The following CPA6 variants were observed in gnomAD, a reference collection of about 807,000 sequenced individuals.
CPA6 encodes carboxypeptidase B.
A neutral mutation model predicts 63.3 loss-of-function variants in CPA6; 58 were observed. That is an observed-to-expected ratio of 0.92 (90% CI 0.74 to 1.14). The LOEUF is 1.14. Among genes scored for constraint, CPA6 ranks in the 50% most tolerant of loss-of-function variants. The probability of loss-of-function intolerance (pLI) is 0.00; values close to 1 mark genes in which losing one functional copy is unlikely to be tolerated. For missense variants in CPA6, 565 were observed against 526.6 expected, an observed-to-expected ratio of 1.07 and a Z score of -0.71; for synonymous variants, 185 against 179.0, an observed-to-expected ratio of 1.03 and a Z score of -0.27.
chr8:67,458,198 C>CTTTTA (rs56706322), intron 8 of CPA6, among the ~76,000 whole-genome samples: 18,760 of 151,980 alleles, frequency 0.12, 3,050 homozygotes, highest in African/African-American at 0.38. Context: ...ATGGCGATCA[C>CTTTTA]TTTATTTATT....
At chr8:67,484,901 T>C in intron 6 of CPA6, 112 bp from the exon 7 acceptor site, 2 of 547,384 alleles carry the variant, frequency 3.7e-6, no homozygotes, top group East Asian at 6.2e-5. Context: ...GTTTAAAAAG[T>C]CATAAACTAA....
At chr8:67,559,152 T>C (rs1171818444) in intron 2 of CPA6, among the ~76,000 whole-genome samples, 1 of 152,198 alleles carries the variant, frequency 6.6e-6, no homozygotes, top group African/African-American at 2.4e-5. Flanking sequence ...AAGAGTCCAT[T>C]GAAATTTCTC....
chr8:67,692,862 T>C (rs1816840759), intron 1 of CPA6, among the ~76,000 whole-genome samples: 1 of 152,198 alleles, frequency 6.6e-6, no homozygotes, highest in South Asian at 2.1e-4. Context: ...TGTGTAAACA[T>C]TTTAAGCTGA....
chr8:67,532,674 A>C (rs572437109), intron 2 of CPA6, among the ~76,000 whole-genome samples: 1 of 152,260 alleles, frequency 6.6e-6, no homozygotes, highest in East Asian at 1.9e-4. Context: ...GTCAACAAAC[A>C]AACAAACAAC....
intron 8 of CPA6, among the ~76,000 whole-genome samples, chr8:67,434,692 T>C (rs1295951595): frequency 6.6e-6 from 1 of 152,084 alleles, no homozygotes; most frequent in African/African-American, 2.4e-5. Context: ...ACAAGTCTCA[T>C]GGCCGCAGCA....
intron 10 of CPA6, among the ~76,000 whole-genome samples, chr8:67,424,625 T>C (rs1809844411): frequency 6.6e-6 from 1 of 152,240 alleles, no homozygotes; most frequent in Non-Finnish European, 1.5e-5. Context: ...TATCCTACCA[T>C]ATGCCCTTGG....
intron 2 of CPA6, among the ~76,000 whole-genome samples, chr8:67,539,348 G>T: frequency 6.6e-6 from 1 of 152,174 alleles, no homozygotes; most frequent in Non-Finnish European, 1.5e-5. Context: ...GGCTTGTAGG[G>T]TTTCTGCAAA....
intron 1 of CPA6, among the ~76,000 whole-genome samples, chr8:67,652,612 T>G (rs1359657756): frequency 3.3e-5 from 5 of 149,932 alleles, no homozygotes; most frequent in African/African-American, 7.3e-5. Context: ...TAAATTTGTT[T>G]GAGTTCATTG....
chr8:67,492,136 C>T (rs1049425188), intron 6 of CPA6, among the ~76,000 whole-genome samples: 4 of 152,136 alleles, frequency 2.6e-5, no homozygotes, highest in African/African-American at 9.7e-5. Flanking sequence ...GAGCTTAGAA[C>T]AAATAGCTGA....
chr8:67,699,526 C>G (rs1418182187), intron 1 of CPA6, among the ~76,000 whole-genome samples: 1 of 151,476 alleles, frequency 6.6e-6, no homozygotes, highest in African/African-American at 2.4e-5. Context: ...CAAACATTTA[C>G]ATGCAATTTT....
intron 1 of CPA6, among the ~76,000 whole-genome samples, chr8:67,710,234 C>A (rs1817227192): frequency 6.6e-6 from 1 of 152,026 alleles, no homozygotes; most frequent in Non-Finnish European, 1.5e-5. Flanking sequence ...AACCAAAGTT[C>A]TTGCTATGTA....
chr8:67,584,673 G>A (rs1813877146), intron 2 of CPA6, among the ~76,000 whole-genome samples: 1 of 152,214 alleles, frequency 6.6e-6, no homozygotes, highest in African/African-American at 2.4e-5. Context: ...CTGGAGTGGA[G>A]TAGGGCTGAG....
chr8:67,512,304 C>T (rs1371870389), intron 3 of CPA6, among the ~76,000 whole-genome samples: 1 of 152,124 alleles, frequency 6.6e-6, no homozygotes, highest in Non-Finnish European at 1.5e-5. Context: ...AGACTATGCT[C>T]ATGTCACTAC....
chr8:67,645,586 A>T (rs1815696788), intron 1 of CPA6, among the ~76,000 whole-genome samples: 1 of 152,246 alleles, frequency 6.6e-6, no homozygotes, highest in South Asian at 2.1e-4. Flanking sequence ...GACTAGTATA[A>T]TAATGAAGTT....
At chr8:67,473,834 C>T (rs181228178) in intron 8 of CPA6, among the ~76,000 whole-genome samples, 7 of 152,024 alleles carry the variant, frequency 4.6e-5, no homozygotes, top group Admixed American at 2.0e-4. Flanking sequence ...CTCGAAATCC[C>T]GGGCTCAGGT....
chr8:67,540,599 T>A (rs1392592229), intron 2 of CPA6, among the ~76,000 whole-genome samples: 2 of 152,214 alleles, frequency 1.3e-5, no homozygotes, highest in Non-Finnish European at 2.9e-5. Flanking sequence ...CCTCAAGCTG[T>A]GCCAGCCGCC....
chr8:67,661,046 ATTTACTG>A (rs1816096433), intron 1 of CPA6, among the ~76,000 whole-genome samples: 1 of 152,198 alleles, frequency 6.6e-6, no homozygotes, highest in African/African-American at 2.4e-5. Flanking sequence ...TTATTCAAGT[ATTTACTG>A]AATGTTCTAA....
intron 8 of CPA6, among the ~76,000 whole-genome samples, chr8:67,451,549 T>G (rs573698241): frequency 1.6e-4 from 25 of 152,332 alleles, no homozygotes; most frequent in Admixed American, 1.5e-3. Flanking sequence ...ATAAATAAAG[T>G]GCACAATAAA....
chr8:67,576,085 A>G (rs1813618374), intron 2 of CPA6, among the ~76,000 whole-genome samples: 1 of 152,184 alleles, frequency 6.6e-6, no homozygotes, highest in Non-Finnish European at 1.5e-5. Flanking sequence ...CATAGTAGGA[A>G]TAAGTTGGAT....
Sources: gnomAD v4.1 joint callset for allele counts (sites outside exome capture counted in the v4.1 genomes callset) on GRCh38, gnomAD v4.1.1 for gene constraint, MANE v1.5 for transcripts, NCBI Gene and HGNC (gene_info 2026-07-23, HGNC 2026-07-21) for gene names.